The following AKAP13 variants were observed in gnomAD, a reference collection of about 807,000 sequenced individuals.
AKAP13 encodes the protein A-kinase anchoring protein 13, also known as A-kinase anchor protein 13.
Under a neutral mutation model 264.5 loss-of-function variants are expected in AKAP13, and 80 were observed. The ratio of observed to expected loss-of-function variants is 0.30; its 90% CI spans 0.25 to 0.36. The LOEUF (loss-of-function observed/expected upper bound fraction) is 0.36, where lower values mean the gene tolerates loss of function less well. AKAP13 is among the 10% of genes least tolerant of loss of function. The pLI is 1.00. For synonymous variants in AKAP13, 1,380 were observed against 1,250.2 expected (o/e 1.10, Z -2.19); for missense variants, 3,712 against 3,435.2 (o/e 1.08, Z -2.01).
At chr15:85,520,498 C>CAAAAAAAA (rs71468111) in intron 2 of AKAP13, among the ~76,000 whole-genome samples, 2 of 71,304 alleles carry the variant, frequency 2.8e-5, no homozygotes, top group Non-Finnish European at 6.0e-5. Flanking sequence ...AACTCCGTCT[C>CAAAAAAAA]AAAAAAAAAA....
At chr15:85,463,436 A>G (rs1277997355) in intron 1 of AKAP13, among the ~76,000 whole-genome samples, 2 of 152,206 alleles carry the variant, frequency 1.3e-5, no homozygotes, top group Non-Finnish European at 2.9e-5. Context: ...GACTGATTTC[A>G]GTTGCTGTAG....
intron 10 of AKAP13, among the ~76,000 whole-genome samples, chr15:85,651,253 T>C (rs1379978128): frequency 2.0e-5 from 3 of 152,206 alleles, no homozygotes; most frequent in African/African-American, 4.8e-5. Flanking sequence ...ATTTGGAGAA[T>C]TGTACAGTGA....
At chr15:85,402,469 A>G (rs552718225) in intron 1 of AKAP13, among the ~76,000 whole-genome samples, 1 of 152,330 alleles carries the variant, frequency 6.6e-6, no homozygotes, top group South Asian at 2.1e-4. Flanking sequence ...ATCATGAAGG[A>G]ACTGTATAAT....
At chr15:85,568,047 C>T (rs1480688221) in intron 5 of AKAP13, among the ~76,000 whole-genome samples, 3 of 151,152 alleles carry the variant, frequency 2.0e-5, no homozygotes, top group South Asian at 4.2e-4. Context: ...CTTTGGGAGA[C>T]TGAGGCAGGC....
chr15:85,530,574 G>GCAT (rs534585073), intron 3 of AKAP13, among the ~76,000 whole-genome samples: 82 of 152,250 alleles, frequency 5.4e-4, no homozygotes, highest in East Asian at 5.0e-3. Context: ...CAGATTACTT[G>GCAT]CATCATCATC....
chr15:85,491,302 G>A (rs897585020), intron 2 of AKAP13, among the ~76,000 whole-genome samples: 5 of 151,858 alleles, frequency 3.3e-5, no homozygotes, highest in African/African-American at 1.2e-4. Flanking sequence ...GACCTCTTAG[G>A]GATACTGGGA....
At chr15:85,741,850 G>T (rs1204608668) in intron 35 of AKAP13, among the ~76,000 whole-genome samples, 2 of 152,076 alleles carry the variant, frequency 1.3e-5, no homozygotes, top group African/African-American at 4.8e-5. Flanking sequence ...TTTGAGACCA[G>T]CCTGGTCAAC....
chr15:85,540,116 T>C (rs1326440303), intron 4 of AKAP13, among the ~76,000 whole-genome samples: 1 of 152,006 alleles, frequency 6.6e-6, no homozygotes, highest in African/African-American at 2.4e-5. Flanking sequence ...GGCTAATAAG[T>C]CCAAAATTTG....
At chr15:85,427,810 C>T (rs891274276) in intron 1 of AKAP13, among the ~76,000 whole-genome samples, 3 of 152,188 alleles carry the variant, frequency 2.0e-5, no homozygotes, top group Non-Finnish European at 4.4e-5. Context: ...TCATAAGTGA[C>T]ATGGCTGTCA....
chr15:85,633,535 CTTT>C (rs56687591), intron 8 of AKAP13, among the ~76,000 whole-genome samples: 38 of 97,756 alleles, frequency 3.9e-4, no homozygotes, highest in South Asian at 1.4e-3. Flanking sequence ...CTTTTTTTTT[CTTT>C]TTTTTTTTTT....
At chr15:85,459,214 C>T (rs764766081) in intron 1 of AKAP13, among the ~76,000 whole-genome samples, 4 of 152,198 alleles carry the variant, frequency 2.6e-5, no homozygotes, top group Non-Finnish European at 5.9e-5. Context: ...TTTCCTTCGT[C>T]TCACTCTGTC....
At chr15:85,624,436 A>G (rs2081321506) in intron 8 of AKAP13, 1 of 152,206 alleles carries the variant, frequency 6.6e-6, no homozygotes. Flanking sequence ...GTCATTTTGC[A>G]GAGAAACACA....
chr15:85,624,489 C>G (rs1348901109), intron 8 of AKAP13: 1 of 152,000 alleles, frequency 6.6e-6, no homozygotes, highest in Non-Finnish European at 1.5e-5. Flanking sequence ...GTCCGCATTG[C>G]AACAAAACAA....
At chr15:85,710,368 C>A in intron 18 of AKAP13, 1 of 444,942 alleles carries the variant, frequency 2.2e-6, no homozygotes, top group Non-Finnish European at 4.0e-6. Context: ...GAAAAGCATT[C>A]CAGGCAGGAT....
At chr15:85,408,686 A>T (rs552333438) in intron 1 of AKAP13, among the ~76,000 whole-genome samples, 4 of 151,952 alleles carry the variant, frequency 2.6e-5, no homozygotes, top group African/African-American at 4.9e-5. Flanking sequence ...ATAATATTCC[A>T]TTGTATGTAT....
At chr15:85,725,578 G>T (rs1436666286) in intron 26 of AKAP13, among the ~76,000 whole-genome samples, 1 of 152,152 alleles carries the variant, frequency 6.6e-6, no homozygotes, top group Non-Finnish European at 1.5e-5. Context: ...GGGGATTTCA[G>T]TTGCGGCAGA....
chr15:85,719,987 G>A (rs546546956), intron 23 of AKAP13, among the ~76,000 whole-genome samples: 11 of 152,066 alleles, frequency 7.2e-5, no homozygotes, highest in African/African-American at 2.4e-4. Context: ...AATCCCAACA[G>A]TTCGGGAGGC....
chr15:85,565,022 A>G (rs2078551982), intron 5 of AKAP13, among the ~76,000 whole-genome samples: 1 of 152,196 alleles, frequency 6.6e-6, no homozygotes, highest in South Asian at 2.1e-4. Flanking sequence ...AACAATATTA[A>G]TTACCTCATG....
chr15:85,743,859 T>C, intron 36 of AKAP13, 34 bp downstream of exon 36: 1 of 1,575,728 alleles, frequency 6.3e-7, no homozygotes, highest in Non-Finnish European at 8.6e-7. Flanking sequence ...CCTGTGGCCA[T>C]AGTGTCTGTG....
Sources: gnomAD v4.1 joint callset for allele counts (sites outside exome capture counted in the v4.1 genomes callset) on GRCh38, gnomAD v4.1.1 for gene constraint, MANE v1.5 for transcripts, NCBI Gene and HGNC (gene_info 2026-07-23, HGNC 2026-07-21) for gene names.